GLT8D1: variants seen among roughly 807,000 people sequenced by gnomAD.
GLT8D1 encodes glycosyltransferase 8 domain-containing protein 1.
A neutral mutation model predicts 46.2 loss-of-function variants in GLT8D1; 41 were observed. The ratio of observed to expected loss-of-function variants is 0.89; its 90% CI spans 0.69 to 1.15. GLT8D1 has a LOEUF of 1.15. GLT8D1 is among the 50% of genes most tolerant of loss of function. The probability of loss-of-function intolerance (pLI) is 0.00; values close to 1 mark genes in which losing one functional copy is unlikely to be tolerated. For missense variants in GLT8D1, 408 were observed against 449.3 expected, an observed-to-expected ratio of 0.91 and a Z score of 0.83; for synonymous variants, 150 against 154.2, an observed-to-expected ratio of 0.97 and a Z score of 0.20.
chr3:52,698,217 C>G (rs543758401), intron 3 of GLT8D1, among the ~76,000 whole-genome samples: 1 of 152,230 alleles, frequency 6.6e-6, no homozygotes, highest in African/African-American at 2.4e-5. Context: ...CAAGAGTTTC[C>G]TAAGGACAAA....
Position 52,695,473 on chromosome 3 carries a change from T to C in GLT8D1, c.760A>G (p.Lys254Glu). The C allele has an allele frequency of 6.2e-7, 1 of 1,613,924 alleles. No individual in the cohort carries two copies. The highest frequency in any genetic ancestry group is 8.5e-7 in the Non-Finnish European group (1 of 1,179,784). Residue 254 changes from lysine (K) to glutamate (E), a missense_variant, in exon 8 of 10, where the codon AAA (lysine) becomes GAA (glutamate). By Grantham distance (56) the Lys-to-Glu change is moderately conservative. Transcript: ENST00000266014. ...GVFVANLTEW[K>E]RQNITNQLEK... ...AGTTGGTTAGTTATATTCTGTCGTT[T>C]CCATTCCGTCAGGTTTGCAACAAAA... is the stretch of plus-strand genomic sequence containing the variant.
chr3:52,695,108 CAAAG>C (rs1011417417), intron 9 of GLT8D1, 73 bp from the exon 10 acceptor site: 8 of 1,431,712 alleles, frequency 5.6e-6, no homozygotes, highest in African/African-American at 1.4e-5. Context: ...TTAAGGGAAA[CAAAG>C]AATATACCCC....
intron 4 of GLT8D1, 82 bp from the exon 5 acceptor site, chr3:52,696,741 G>A: frequency 1.3e-6 from 1 of 766,784 alleles, no homozygotes; most frequent in Non-Finnish European, 2.3e-6. Context: ...AAACCCTATG[G>A]ACCAAATAGG....
Position 52,694,645 on chromosome 3 carries a change from A to C in GLT8D1, c.*200T>G. The stretch of plus-strand genomic sequence containing the variant: ...GTAGTAAGAAAACACTTGGTAAGGC[A>C]GATGGAGACATATTTATAGTCTATA... On this transcript the variant is annotated 3_prime_UTR_variant, in exon 10 of 10. Transcript: ENST00000266014. 1 of 620,380 alleles carries C rather than the reference A, an allele frequency of 1.6e-6. No homozygotes were observed. The highest frequency in any genetic ancestry group is 2.7e-5 in the Admixed American group (1 of 37,654). 38.4% of individuals were successfully genotyped at this position (620,380 alleles called of 1,614,324 possible).
rs759685935 is a variant in GLT8D1 at position 52,697,818 on chromosome 3, C to T, written c.232G>A (p.Gly78Arg). Residue 78 changes from glycine (G) to arginine (R), a missense_variant, in exon 4 of 10, where the codon GGG (glycine) becomes AGG (arginine). Transcript: ENST00000266014. Reference protein sequence around the residue: ...VVIAASEDRLGGAIAAINSIQ... With the variant: ...VVIAASEDRLRGAIAAINSIQ... The stretch of plus-strand genomic sequence containing the variant: ...CTGTTTATAGCTGCAATGGCCCCCC[C>T]AAGCCTGTCTTCAGATGCAGCGATG... 2 of 1,613,680 alleles carry T rather than the reference C, an allele frequency of 1.2e-6. No homozygotes were observed. The highest frequency in any genetic ancestry group is 1.7e-6 in the Non-Finnish European group (2 of 1,179,568).
Position 52,696,572 on chromosome 3 carries a change from C to T in GLT8D1, c.417G>A (p.Glu139=), listed in dbSNP as rs748713942. 6.3e-7 allele frequency: 1 copy of T among 1,599,318 alleles called. No individual in the cohort carries two copies. Among genetic ancestry groups the T allele is most frequent in the South Asian group, 1.1e-5 (1 of 90,710 alleles). The change falls in exon 5 of 10, where the codon GAG becomes GAA. Residue 139 remains glutamate (E), a synonymous_variant. Coordinates refer to ENST00000266014, the MANE Select transcript of GLT8D1 (RefSeq NM_018446.4). ...DPKLLEGKVK[E]DPDQGESMKP... The stretch of plus-strand genomic sequence containing the variant: ...TCATGGATTCCCCCTGGTCAGGATC[C>T]TCCTTTACTTTTCCTTCCAAAAGTT...
Position 52,696,624 on chromosome 3 carries a change from C to T in GLT8D1, c.365G>A (p.Arg122Lys). ...WLNSDSLKSI[R>K]YKIVNFDPKL... Reference sequence around the variant, plus strand: ...AGGGTCAAAATTGACAATTTTGTATCTGATGCTTTTCAGGGAATCACTGTT... The same window carrying T: ...AGGGTCAAAATTGACAATTTTGTATTTGATGCTTTTCAGGGAATCACTGTT... Residue 122 changes from arginine to lysine, a missense_variant, in exon 5 of 10, where the codon AGA becomes AAA. Physicochemically the swap from Arg to Lys is conservative, Grantham distance 26. Coordinates refer to ENST00000266014, the MANE Select transcript of GLT8D1 (RefSeq NM_018446.4). 3 of 1,609,112 alleles carry T rather than the reference C, an allele frequency of 1.9e-6. No individual in the cohort carries two copies. The highest frequency in any genetic ancestry group is 8.5e-7 in the Non-Finnish European group (1 of 1,175,440).
chr3:52,694,754 A>G lies in GLT8D1; in HGVS notation c.*91T>C. The G allele has an allele frequency of 1.1e-6, 1 of 871,670 alleles. No homozygotes were observed. Among genetic ancestry groups the G allele is most frequent in the Non-Finnish European group, 1.9e-6 (1 of 515,912 alleles). 54.0% of individuals were successfully genotyped at this position (871,670 alleles called of 1,614,324 possible). A position where few individuals can be genotyped will look rare whatever the true frequency, so the allele number is the denominator to read the frequency against. ...CATCTTTTTCCATGGCTTGCTACCGATAGGCATTGAAGCCTAGCAACTGTT... is the reference window on the plus strand; with the variant it reads ...CATCTTTTTCCATGGCTTGCTACCGGTAGGCATTGAAGCCTAGCAACTGTT... On this transcript the variant is annotated 3_prime_UTR_variant, in exon 10 of 10. Transcript: ENST00000266014.
chr3:52,699,308 C>T (rs1343036938), intron 3 of GLT8D1, among the ~76,000 whole-genome samples: 3 of 151,240 alleles, frequency 2.0e-5, no homozygotes, highest in South Asian at 2.1e-4. Context: ...TTTCTTGAGA[C>T]GAAGACTCAC....
chr3:52,695,105 A>G, intron 9 of GLT8D1, 70 bp from the exon 10 acceptor site: 5 of 1,456,866 alleles, frequency 3.4e-6, no homozygotes, highest in Non-Finnish European at 4.8e-6. Flanking sequence ...TACTTAAGGG[A>G]AACAAAGAAT....
chr3:52,701,058 C>T (rs2097338949), intron 1 of GLT8D1, among the ~76,000 whole-genome samples: 2 of 152,030 alleles, frequency 1.3e-5, no homozygotes, highest in Admixed American at 6.6e-5. Context: ...GAGTGAGACT[C>T]TGTCTTTAAA....
At chr3:52,699,020 G>T (rs2097336895) in intron 3 of GLT8D1, among the ~76,000 whole-genome samples, 1 of 151,556 alleles carries the variant, frequency 6.6e-6, no homozygotes, top group South Asian at 2.1e-4. Context: ...CAAATTAATA[G>T]ACATTAAGAT....
intron 1 of GLT8D1, 66 bp from the exon 2 acceptor site, chr3:52,700,562 C>CA: frequency 1.5e-6 from 1 of 657,560 alleles, no homozygotes; most frequent in Non-Finnish European, 2.6e-6. Context: ...AATGCCCTAA[C>CA]ACTTTTTTTT....
chr3:52,695,121 C>G (rs2097331736), intron 9 of GLT8D1, 69 bp downstream of exon 9: 1 of 1,415,542 alleles, frequency 7.1e-7, no homozygotes, highest in African/African-American at 1.4e-5. Flanking sequence ...AGAATATACC[C>G]CATCCCTGAG....
Position 52,700,244 on chromosome 3 carries a change from T to A in GLT8D1, c.115+18A>T, listed in dbSNP as rs769721940. The A allele has an allele frequency of 6.6e-7, 1 of 1,513,326 alleles. No homozygotes were observed. Among genetic ancestry groups the A allele is most frequent in the South Asian group, 1.1e-5 (1 of 87,896 alleles). 93.7% of individuals were successfully genotyped at this position (1,513,326 alleles called of 1,614,324 possible). Reference sequence around the variant, plus strand: ...TCCGCAACAGATTCTAAGGCATTATTAATAAGTGCTCGCATACCTGTAACC... The same window carrying A: ...TCCGCAACAGATTCTAAGGCATTATAAATAAGTGCTCGCATACCTGTAACC... On this transcript the variant is annotated intron_variant, in intron 3 of 9. Transcript: ENST00000266014.
Position 52,700,289 on chromosome 3 carries a change from T to C in GLT8D1, c.88A>G (p.Ser30Gly). The C allele has an allele frequency of 4.3e-6, 7 of 1,613,008 alleles. No homozygotes were observed. Among genetic ancestry groups the C allele is most frequent in the Non-Finnish European group, 5.9e-6 (7 of 1,179,142 alleles). Residue 30 changes from serine to glycine, a missense_variant, in exon 3 of 10, where the codon AGC becomes GGC. Transcript: ENST00000266014. Reference sequence around the variant, plus strand: ...GTAACCTCATTCCTTAACAAACTGCTCAAGCTGAGGAAGTTATGGTGCAAA... The same window carrying C: ...GTAACCTCATTCCTTAACAAACTGCCCAAGCTGAGGAAGTTATGGTGCAAA... Reference protein sequence around the residue: ...LVLHHNFLSLSSLLRNEVTDS... With the variant: ...LVLHHNFLSLGSLLRNEVTDS...
intron 1 of GLT8D1, among the ~76,000 whole-genome samples, chr3:52,702,357 G>A (rs1421642894): frequency 2.0e-5 from 3 of 152,090 alleles, no homozygotes; most frequent in Non-Finnish European, 4.4e-5. Context: ...ACCAGCCTGG[G>A]TAACATTGTG....
In GLT8D1 at chr3:52,697,773, A is replaced by C. The variant is rs2097335334; in HGVS notation, c.277T>G (p.Ser93Ala). The C allele has an allele frequency of 6.2e-7, 1 of 1,614,024 alleles. No individual in the cohort carries two copies. The highest frequency in any genetic ancestry group is 2.2e-5 in the East Asian group (1 of 44,888). The part of the protein sequence containing the change: ...AINSIQHNTR[S>A]NVIFYIVTLN... ...GTAACAATGTAGAAAATCACATTGG[A>C]GCGAGTGTTGTGCTGAATGCTGTTT... is the stretch of plus-strand genomic sequence containing the variant. Residue 93 changes from serine to alanine, a missense_variant, in exon 4 of 10, where the codon TCC becomes GCC. By Grantham distance (99) the Ser-to-Ala change is moderately conservative. Coordinates refer to ENST00000266014, the MANE Select transcript of GLT8D1 (RefSeq NM_018446.4).
chr3:52,697,622 A>G, intron 4 of GLT8D1, 99 bp downstream of exon 4: 1 of 831,722 alleles, frequency 1.2e-6, no homozygotes, highest in South Asian at 1.4e-5. Flanking sequence ...TTTCAATTGT[A>G]TAAAACAACA....
Sources: gnomAD v4.1 joint callset for allele counts (sites outside exome capture counted in the v4.1 genomes callset) on GRCh38, gnomAD v4.1.1 for gene constraint, MANE v1.5 for transcripts, NCBI Gene and HGNC (gene_info 2026-07-23, HGNC 2026-07-21) for gene names.